The following MCTP1 variants were observed in gnomAD, a reference collection of about 807,000 sequenced individuals.
The protein encoded by MCTP1 is multiple C2 and transmembrane domain-containing protein 1.
MCTP1 carries 69 observed loss-of-function variants against 120.6 expected under a neutral mutation model. That is an observed-to-expected ratio of 0.57 (90% CI 0.47 to 0.70). The LOEUF is 0.70. Ranked by LOEUF, MCTP1 falls within the 30% of genes least tolerant of loss-of-function variation. The pLI is 0.00. For missense variants in MCTP1, 1,203 were observed against 1,248.8 expected (o/e 0.96, Z 0.55); for synonymous variants, 529 against 493.1 (o/e 1.07, Z -0.96).
intron 3 of MCTP1, among the ~76,000 whole-genome samples, chr5:94,946,919 T>C (rs1326465686): frequency 6.6e-6 from 1 of 152,196 alleles, no homozygotes; most frequent in Non-Finnish European, 1.5e-5. Context: ...ATTGTTTTCT[T>C]CTTGCCTCTA....
intron 1 of MCTP1, among the ~76,000 whole-genome samples, chr5:95,158,703 A>C (rs1403898196): frequency 6.6e-6 from 1 of 151,976 alleles, no homozygotes; most frequent in Admixed American, 6.6e-5. Flanking sequence ...AGGCAGGAGG[A>C]TCACTTGACC....
At chr5:94,954,504 CTA>C (rs1166677807) in intron 2 of MCTP1, among the ~76,000 whole-genome samples, 2 of 152,018 alleles carry the variant, frequency 1.3e-5, no homozygotes, top group Non-Finnish European at 2.9e-5. Flanking sequence ...GACTTTACCA[CTA>C]TGCAATACAT....
At chr5:94,707,924 C>G (rs1046654154) in intron 22 of MCTP1, among the ~76,000 whole-genome samples, 4 of 150,782 alleles carry the variant, frequency 2.7e-5, no homozygotes, top group Admixed American at 2.0e-4. Context: ...AGCCCACTGT[C>G]ATGTCATAGC....
intron 2 of MCTP1, among the ~76,000 whole-genome samples, chr5:94,981,368 C>T (rs1829379445): frequency 6.6e-6 from 1 of 152,192 alleles, no homozygotes; most frequent in Non-Finnish European, 1.5e-5. Flanking sequence ...GAAGACAGGG[C>T]TCTTGCATAT....
In MCTP1 at chr5:94,706,254, AT is replaced by A. The variant is rs1381604685; in HGVS notation, c.*1241del. 6.6e-6 allele frequency: 1 copy of A among 151,544 alleles called. No homozygotes were observed. The highest frequency in any genetic ancestry group is 1.5e-5 in the Non-Finnish European group (1 of 67,746). 9.4% of individuals were successfully genotyped at this position (151,544 alleles called of 1,614,324 possible). On this transcript the variant is annotated 3_prime_UTR_variant, in exon 23 of 23. Transcript: ENST00000515393. ...TAAGACATTCTCAACCAACCAAATT[AT>A]TTTTTCTCCAGAGTTATGCTCCCTT...
At chr5:95,140,640 C>T (rs1433714244) in intron 1 of MCTP1, among the ~76,000 whole-genome samples, 1 of 133,712 alleles carries the variant, frequency 7.5e-6, no homozygotes, top group African/African-American at 2.8e-5. Context: ...GGGTGGATCA[C>T]GAGGCAGGAG....
intron 17 of MCTP1, among the ~76,000 whole-genome samples, chr5:94,850,410 C>T (rs983762150): frequency 6.6e-6 from 1 of 152,116 alleles, no homozygotes; most frequent in Admixed American, 6.6e-5. Flanking sequence ...TAAGCTTTTC[C>T]ACTGCAAGCG....
intron 5 of MCTP1, among the ~76,000 whole-genome samples, chr5:94,937,997 T>C (rs1388354542): frequency 6.6e-6 from 1 of 151,944 alleles, no homozygotes; most frequent in African/African-American, 2.4e-5. Context: ...TATCACCAAG[T>C]CTTGTTGATT....
At position 95,112,532 on chromosome 5, in the gene MCTP1, A is replaced by G. The variant is rs143827561; in HGVS notation, c.721-95048T>C. On this transcript the variant is annotated intron_variant, in intron 1 of 22. Transcript: ENST00000515393. The stretch of plus-strand genomic sequence containing the variant: ...TTGAAGTCTAGGTAGAGATCTAGCA[A>G]CTTCTTCCTCATTTATTTAATTCAC... 1.1e-4 allele frequency among the ~76,000 whole-genome samples: 16 copies of G among 152,338 alleles called. No homozygotes were observed. The East Asian group carries it at 3.1e-3, about 29-fold the overall frequency.
chr5:94,732,540 C>T (rs1395545247), intron 19 of MCTP1, among the ~76,000 whole-genome samples: 1 of 152,144 alleles, frequency 6.6e-6, no homozygotes, highest in African/African-American at 2.4e-5. Context: ...CATCCTGGTG[C>T]TATAGACTGA....
intron 1 of MCTP1, among the ~76,000 whole-genome samples, chr5:95,073,991 C>T (rs997013398): frequency 3.3e-5 from 5 of 152,154 alleles, no homozygotes; most frequent in African/African-American, 1.2e-4. Context: ...TGGCGGGTGC[C>T]TATAATCCCA....
intron 2 of MCTP1, among the ~76,000 whole-genome samples, chr5:94,987,456 C>T (rs1830622877): frequency 6.6e-6 from 1 of 152,166 alleles, no homozygotes; most frequent in Non-Finnish European, 1.5e-5. Flanking sequence ...TTCTGTGTTC[C>T]TTCTTACATT....
At chr5:94,939,964 A>T (rs1561891636) in intron 5 of MCTP1, 120 bp downstream of exon 5, 14 of 536,530 alleles carry the variant, frequency 2.6e-5, no homozygotes, top group Non-Finnish European at 3.3e-5. Context: ...ATACTCACAG[A>T]AACAAAGAAC....
intron 2 of MCTP1, among the ~76,000 whole-genome samples, chr5:95,014,310 T>G (rs1035960602): frequency 2.0e-5 from 3 of 151,980 alleles, no homozygotes; most frequent in African/African-American, 7.2e-5. Flanking sequence ...AGGTCAAAAT[T>G]TCAACATTAA....
At chr5:95,163,820 T>C (rs1214944472) in intron 1 of MCTP1, among the ~76,000 whole-genome samples, 1 of 152,214 alleles carries the variant, frequency 6.6e-6, no homozygotes. Flanking sequence ...TGAGCCTCAG[T>C]TCTCTTTCTG....
intron 2 of MCTP1, among the ~76,000 whole-genome samples, chr5:94,983,262 T>A (rs1006534840): frequency 3.3e-5 from 5 of 152,176 alleles, no homozygotes; most frequent in African/African-American, 1.2e-4. Flanking sequence ...AACCTAACTA[T>A]ACCATGCACA....
rs186072438 is a variant in MCTP1 at position 94,795,253 on chromosome 5, G to A, written c.2556+3760C>T. 4.7e-5 allele frequency among the ~76,000 whole-genome samples: 7 copies of A among 150,182 alleles called. No homozygotes were observed. The East Asian group carries it at 1.4e-3, about 30-fold the overall frequency. On this transcript the variant is annotated intron_variant, in intron 18 of 22. Coordinates refer to ENST00000515393, the MANE Select transcript of MCTP1 (RefSeq NM_024717.7). ...TTACAACTGATGAAGGGACCTGGGC[G>A]GGGGTGGGGTGGGGATGGCGGCAGG...
chr5:95,121,543 G>T (rs1169503321), intron 1 of MCTP1, among the ~76,000 whole-genome samples: 2 of 151,622 alleles, frequency 1.3e-5, no homozygotes, highest in African/African-American at 4.8e-5. Flanking sequence ...TGGATTAGAA[G>T]AATTAATATT....
At chr5:95,043,640 G>T (rs1021656022) in intron 1 of MCTP1, among the ~76,000 whole-genome samples, 21 of 152,090 alleles carry the variant, frequency 1.4e-4, no homozygotes, top group African/African-American at 5.1e-4. Context: ...TAAAACATTT[G>T]CCATTCTGAT....
Sources: allele counts gnomAD v4.1 joint callset (sites outside exome capture counted in the v4.1 genomes callset), GRCh38; gene constraint gnomAD v4.1.1; transcripts MANE v1.5; gene names NCBI Gene and HGNC (gene_info 2026-07-23, HGNC 2026-07-21).